The following MACROD2 variants were observed in gnomAD, a reference collection of about 807,000 sequenced individuals.
MACROD2 encodes mono-ADP ribosylhydrolase 2.
In MACROD2, 36 loss-of-function variants were observed where a neutral mutation model predicts 70.4. The ratio of observed to expected loss-of-function variants is 0.51; its 90% confidence interval spans 0.39 to 0.68. The LOEUF is 0.68. Ranked by LOEUF, MACROD2 falls within the 30% of genes least tolerant of loss-of-function variation. The pLI is 0.00. For synonymous variants in MACROD2, 172 were observed against 178.8 expected (o/e 0.96, Z 0.30); for missense variants, 496 against 538.4 (o/e 0.92, Z 0.78).
At chr20:15,327,399 G>A (rs1423326817) in intron 6 of MACROD2, among the ~76,000 whole-genome samples, 1 of 152,068 alleles carries the variant, frequency 6.6e-6, no homozygotes, top group Non-Finnish European at 1.5e-5. Flanking sequence ...TCTGCCACTG[G>A]ATAATTTCTA....
At chr20:15,764,631 T>C (rs760116679) in intron 8 of MACROD2, among the ~76,000 whole-genome samples, 1 of 152,186 alleles carries the variant, frequency 6.6e-6, no homozygotes, top group Non-Finnish European at 1.5e-5. Flanking sequence ...CTTCTTCCGA[T>C]GCCACCACCA....
intron 6 of MACROD2, among the ~76,000 whole-genome samples, chr20:15,259,208 A>G (rs1397950521): frequency 3.9e-5 from 6 of 152,028 alleles, no homozygotes; most frequent in African/African-American, 7.2e-5. Context: ...AACAAAATTT[A>G]GGAGCAATAG....
At chr20:16,046,003 G>A (rs201818687) in intron 17 of MACROD2, among the ~76,000 whole-genome samples, 3 of 149,618 alleles carry the variant, frequency 2.0e-5, no homozygotes, top group Non-Finnish European at 4.5e-5. Flanking sequence ...AAAAAAAAAA[G>A]AAAAAAACCT....
At chr20:16,004,595 T>C (rs1356894620) in intron 15 of MACROD2, among the ~76,000 whole-genome samples, 3 of 152,194 alleles carry the variant, frequency 2.0e-5, no homozygotes, top group Admixed American at 6.5e-5. Flanking sequence ...TATCAGCAGC[T>C]CTCTCACACT....
chr20:15,459,889 A>G (rs1568824327), intron 7 of MACROD2, among the ~76,000 whole-genome samples: 1 of 151,854 alleles, frequency 6.6e-6, no homozygotes. Flanking sequence ...CCTCAGTCCA[A>G]GTGGTTCTTA....
chr20:15,446,719 A>G (rs1471538480), intron 7 of MACROD2, among the ~76,000 whole-genome samples: 1 of 152,192 alleles, frequency 6.6e-6, no homozygotes, highest in South Asian at 2.1e-4. Context: ...AGCCGGAAAG[A>G]TCTGCTGGCG....
At chr20:15,458,296 C>T (rs2046757603) in intron 7 of MACROD2, among the ~76,000 whole-genome samples, 1 of 152,126 alleles carries the variant, frequency 6.6e-6, no homozygotes, top group Non-Finnish European at 1.5e-5. Context: ...GAAATGGACT[C>T]CACCTTTTTC....
At chr20:15,938,264 T>G (rs1452457254) in intron 12 of MACROD2, among the ~76,000 whole-genome samples, 2 of 152,194 alleles carry the variant, frequency 1.3e-5, no homozygotes, top group Non-Finnish European at 2.9e-5. Context: ...TTACCTTGTT[T>G]TCTTGCCCTT....
At chr20:14,461,627 G>C (rs1399575033) in intron 3 of MACROD2, among the ~76,000 whole-genome samples, 4 of 151,778 alleles carry the variant, frequency 2.6e-5, no homozygotes, top group Non-Finnish European at 5.9e-5. Flanking sequence ...TTTAGCATTA[G>C]GTATATCTCC....
intron 3 of MACROD2, among the ~76,000 whole-genome samples, chr20:14,348,689 T>A (rs1007864866): frequency 1.3e-5 from 2 of 152,210 alleles, no homozygotes; most frequent in Non-Finnish European, 2.9e-5. Context: ...TGCTTACAGA[T>A]TCATTAAAAA....
chr20:14,763,503 C>A (rs1006795132), intron 5 of MACROD2, among the ~76,000 whole-genome samples: 1 of 151,918 alleles, frequency 6.6e-6, no homozygotes, highest in East Asian at 1.9e-4. Flanking sequence ...GTGAAGGGAC[C>A]GTGATCTAGG....
chr20:14,254,452 G>A (rs999181192), intron 3 of MACROD2, among the ~76,000 whole-genome samples: 2 of 151,552 alleles, frequency 1.3e-5, no homozygotes, highest in African/African-American at 4.8e-5. Flanking sequence ...TACAAATAGG[G>A]CCTAGTTTTC....
Position 14,376,665 on chromosome 20 carries a change from G to A in MACROD2, c.272-116814G>A, listed in dbSNP as rs149034955. On this transcript the variant is annotated intron_variant, in intron 3 of 17. Transcript: ENST00000684519. ...CTTGGAGGGCTGAGGTGGGAGGATC[G>A]CTTGAGCCTGGGAGATTGATGCTGC... Among the ~76,000 whole-genome samples, 1,232 of 151,810 alleles carry A rather than the reference G, an allele frequency of 8.1e-3. 14 individuals carry two copies. Among genetic ancestry groups the A allele is most frequent in the African/African-American group, 0.028 (1,172 of 41,410 alleles).
At chr20:15,877,094 T>C (rs1057076778) in intron 9 of MACROD2, among the ~76,000 whole-genome samples, 55 of 152,140 alleles carry the variant, frequency 3.6e-4, no homozygotes, top group African/African-American at 1.3e-3. Context: ...CTCTTCTCAC[T>C]TTGGACTGGG....
intron 5 of MACROD2, among the ~76,000 whole-genome samples, chr20:14,890,994 C>G (rs1206969488): frequency 6.9e-6 from 1 of 144,356 alleles, no homozygotes; most frequent in Admixed American, 7.2e-5. Flanking sequence ...TTCCTTCCTC[C>G]CTCCCTCCCT....
chr20:15,484,306 T>A (rs1411480906), intron 7 of MACROD2, among the ~76,000 whole-genome samples: 1 of 152,090 alleles, frequency 6.6e-6, no homozygotes, highest in Non-Finnish European at 1.5e-5. Flanking sequence ...CCTTTAGTCA[T>A]GTGGTGGTTA....
chr20:15,604,498 C>G (rs1245310300), intron 8 of MACROD2, among the ~76,000 whole-genome samples: 2 of 152,240 alleles, frequency 1.3e-5, no homozygotes, highest in African/African-American at 4.8e-5. Flanking sequence ...CAGAGCTCCT[C>G]TATCCAAAAG....
At chr20:14,222,026 C>T (rs1176952658) in intron 3 of MACROD2, among the ~76,000 whole-genome samples, 3 of 152,150 alleles carry the variant, frequency 2.0e-5, no homozygotes, top group African/African-American at 7.2e-5. Flanking sequence ...TGCTTATACA[C>T]TATTGGTAGG....
intron 8 of MACROD2, among the ~76,000 whole-genome samples, chr20:15,525,071 G>T (rs1017049963): frequency 6.6e-6 from 1 of 152,186 alleles, no homozygotes; most frequent in African/African-American, 2.4e-5. Flanking sequence ...CTTTGCTTAG[G>T]TCTTTCCATT....
Sources: gnomAD v4.1 joint callset for allele counts (sites outside exome capture counted in the v4.1 genomes callset) on GRCh38, gnomAD v4.1.1 for gene constraint, MANE v1.5 for transcripts, NCBI Gene and HGNC (gene_info 2026-07-23, HGNC 2026-07-21) for gene names.